METTL9: variants seen among roughly 807,000 people sequenced by gnomAD.
METTL9 encodes methyltransferase 9, His-X-His N1(pi)-histidine, also known as protein-L-histidine N-pros-methyltransferase.
In METTL9, 10 loss-of-function variants were observed where a neutral mutation model predicts 36.0. The observed-to-expected ratio is 0.28, with a 90% CI of 0.17 to 0.47. The LOEUF is 0.47. METTL9 is among the 20% of genes least tolerant of loss of function. METTL9 has a pLI of 0.99. For synonymous variants in METTL9, 175 were observed against 149.7 expected (o/e 1.17, Z -1.23); for missense variants, 246 against 383.5 (o/e 0.64, Z 3.00).
At chr16:21,647,501 G>T (rs1343787760) in intron 4 of METTL9, 1 of 1,599,928 alleles carries the variant, frequency 6.3e-7, no homozygotes, top group Admixed American at 1.7e-5. Flanking sequence ...ACCTGTGGGA[G>T]GAAGCAGATG....
Position 21,599,866 on chromosome 16 carries a change from G to A in METTL9, c.133G>A (p.Ala45Thr). The change falls in exon 1 of 5, where the codon GCG becomes ACG. Residue 45 changes from alanine (A) to threonine (T), a missense_variant. Ala to Thr is a moderately conservative substitution (Grantham distance 58). This residue lies in a region of METTL9 where 100 missense variants were observed against 81.4 expected (regional missense o/e 1.23). Transcript: ENST00000358154. This position sits in a 1 kb window ranked among gnomAD's most constrained non-coding sequence, Gnocchi z 4.4. ...NMTSGPGGPA[A>T]AAGGRKENHQ... ...GACTAGCGGCCCGGGTGGGCCGGCG[G>A]CGGCCGCGGGCGGCAGGAAGGAGAA... 6.8e-7 allele frequency: 1 copy of A among 1,481,040 alleles called. No homozygotes were observed. 91.7% of individuals were successfully genotyped at this position (1,481,040 alleles called of 1,614,324 possible).
intron 4 of METTL9, among the ~76,000 whole-genome samples, chr16:21,649,521 G>C (rs896449832): frequency 6.6e-6 from 1 of 152,076 alleles, no homozygotes; most frequent in Non-Finnish European, 1.5e-5. Flanking sequence ...CTCCTGCCCA[G>C]ACTCAAGCAC....
chr16:21,613,974 C>T (rs1965495647), intron 2 of METTL9, among the ~76,000 whole-genome samples: 1 of 152,056 alleles, frequency 6.6e-6, no homozygotes, highest in Non-Finnish European at 1.5e-5. Context: ...GTTGGGCCCA[C>T]TTTTCTTTTC....
At chr16:21,613,444 G>A (rs1965483630) in intron 2 of METTL9, among the ~76,000 whole-genome samples, 2 of 151,996 alleles carry the variant, frequency 1.3e-5, no homozygotes, top group Non-Finnish European at 2.9e-5. Flanking sequence ...CTCCCAAAGT[G>A]CTGGGATTAT....
intron 3 of METTL9, among the ~76,000 whole-genome samples, chr16:21,624,064 C>T (rs112365708): frequency 0.018 from 2,729 of 152,162 alleles, 94 homozygotes; most frequent in African/African-American, 0.062. Context: ...CCACCGTGCC[C>T]GGTCCTTTTC....
chr16:21,649,558 A>G (rs894928403), intron 4 of METTL9, among the ~76,000 whole-genome samples: 1 of 152,190 alleles, frequency 6.6e-6, no homozygotes, highest in Non-Finnish European at 1.5e-5. Context: ...AACATTTTAT[A>G]GTATATACTG....
At chr16:21,620,308 T>A (rs1236808764) in intron 3 of METTL9, among the ~76,000 whole-genome samples, 1 of 152,218 alleles carries the variant, frequency 6.6e-6, no homozygotes, top group Non-Finnish European at 1.5e-5. Context: ...CTGGTGGGTC[T>A]GCATGGTGAT....
rs535806041 is a variant in METTL9 at position 21,619,843 on chromosome 16, A to T, written c.566+1769A>T. On this transcript the variant is annotated intron_variant, in intron 3 of 4. Transcript: ENST00000358154. ...GAGCTGGAGTCAGCCTTTCTCTGTG[A>T]TATTTTTGGAAGTCTGGTTAGCCTT... Among the ~76,000 whole-genome samples the T allele has an allele frequency of 3.9e-5, 6 of 152,218 alleles. No individual in the cohort carries two copies. In the South Asian group the frequency reaches 1.2e-3, roughly 32 times the overall value.
At chr16:21,616,968 T>A (rs913041615) in intron 2 of METTL9, among the ~76,000 whole-genome samples, 1 of 152,184 alleles carries the variant, frequency 6.6e-6, no homozygotes, top group African/African-American at 2.4e-5. Context: ...CTTACTTATT[T>A]CTTCTTCCTT....
In METTL9 at chr16:21,656,253, C is replaced by G. The variant is rs1171602796; in HGVS notation, c.*821C>G. ...GTTCTGACTTTGTGATCACTCATGT[C>G]CCATACACTGAACTTTGTTTTTTTC... On this transcript the variant is annotated 3_prime_UTR_variant, in exon 5 of 5. Transcript: ENST00000358154. 7.0e-5 allele frequency: 10 copies of G among 143,666 alleles called. No homozygotes were observed. The highest frequency in any genetic ancestry group is 6.1e-4 in the Admixed American group (8 of 13,068). 8.9% of individuals were successfully genotyped at this position (143,666 alleles called of 1,614,324 possible).
intron 3 of METTL9, among the ~76,000 whole-genome samples, chr16:21,621,373 T>C (rs1313203328): frequency 6.6e-6 from 1 of 152,042 alleles, no homozygotes; most frequent in Non-Finnish European, 1.5e-5. Flanking sequence ...ATCACCAGGC[T>C]GGAGTGCAGT....
chr16:21,613,316 T>C (rs1965480416), intron 2 of METTL9, among the ~76,000 whole-genome samples: 1 of 151,556 alleles, frequency 6.6e-6, no homozygotes, highest in African/African-American at 2.4e-5. Context: ...CCCAAGTAGC[T>C]GGGATTACAG....
In METTL9 at chr16:21,656,503, A is replaced by G. The variant is rs1436126569; in HGVS notation, c.*1071A>G. ...CTGGAATCCGTGAGTGCCTCCAACC[A>G]TAAACCCAGAAATGCTGCCATAGAG... On this transcript the variant is annotated 3_prime_UTR_variant, in exon 5 of 5. Coordinates refer to ENST00000358154, the MANE Select transcript of METTL9 (RefSeq NM_016025.5). 1 of 152,170 alleles carries G rather than the reference A, an allele frequency of 6.6e-6. No individual in the cohort carries two copies. Among genetic ancestry groups the G allele is most frequent in the Non-Finnish European group, 1.5e-5 (1 of 68,038 alleles). 9.4% of individuals were successfully genotyped at this position (152,170 alleles called of 1,614,324 possible).
chr16:21,598,749 T>A (rs1461607054), upstream of METTL9, among the ~76,000 whole-genome samples: 1 of 152,142 alleles, frequency 6.6e-6, no homozygotes, highest in Non-Finnish European at 1.5e-5. Flanking sequence ...GAGTTCACTC[T>A]TAAGAGTGTT....
At chr16:21,627,212 T>C in intron 4 of METTL9, 1 of 985,396 alleles carries the variant, frequency 1.0e-6, no homozygotes, top group South Asian at 4.7e-5. Flanking sequence ...GACTGGGAGA[T>C]GCAAAATGGT....
At chr16:21,655,176 T>C (rs1966674152) in intron 4 of METTL9, 51 bp from the exon 5 acceptor site, 1 of 1,552,350 alleles carries the variant, frequency 6.4e-7, no homozygotes, top group African/African-American at 1.4e-5. Context: ...CTTCCCTCTT[T>C]AAATCACTTG....
At chr16:21,643,479 A>G in intron 4 of METTL9, 1 of 1,022,292 alleles carries the variant, frequency 9.8e-7, no homozygotes, top group Non-Finnish European at 1.5e-6. Flanking sequence ...AAGCTAAAAA[A>G]TATTTCAGTT....
rs573482225 is a variant in METTL9 at position 21,626,022 on chromosome 16, G to C, written c.751+907G>C. Among the ~76,000 whole-genome samples the C allele has an allele frequency of 1.4e-3, 207 of 152,170 alleles. 7 individuals carry two copies. The South Asian group carries it at 0.042, about 31-fold the overall frequency. ...AGGCATTCTCCGGCCTCAGCCTTCTGAGTCCCAAGTAACTGGGACTTCAGG... is the reference window on the plus strand; with the variant it reads ...AGGCATTCTCCGGCCTCAGCCTTCTCAGTCCCAAGTAACTGGGACTTCAGG... On this transcript the variant is annotated intron_variant, in intron 4 of 4. Coordinates refer to ENST00000358154, the MANE Select transcript of METTL9 (RefSeq NM_016025.5).
intron 2 of METTL9, among the ~76,000 whole-genome samples, chr16:21,617,654 A>G (rs2152894613): frequency 6.6e-6 from 1 of 151,052 alleles, no homozygotes; most frequent in East Asian, 2.0e-4. Flanking sequence ...GCTTGAACCC[A>G]GGAGGCGAAG....
Sources: allele counts gnomAD v4.1 joint callset (sites outside exome capture counted in the v4.1 genomes callset), GRCh38; gene constraint gnomAD v4.1.1; regional missense constraint gnomAD v4.1.1; non-coding constraint Gnocchi (gnomAD v3.1); transcripts MANE v1.5; gene names NCBI Gene and HGNC (gene_info 2026-07-23, HGNC 2026-07-21).